ADCY2: variants seen among roughly 807,000 people sequenced by gnomAD.
ADCY2 encodes adenylate cyclase type 2.
ADCY2 carries 31 observed loss-of-function variants against 125.2 expected under a neutral mutation model. The ratio of observed to expected loss-of-function variants is 0.25; its 90% CI spans 0.19 to 0.33. The LOEUF (loss-of-function observed/expected upper bound fraction) is 0.33. ADCY2 is among the 10% of genes least tolerant of loss of function. The probability of loss-of-function intolerance (pLI) is 1.00; values close to 1 mark genes in which losing one functional copy is unlikely to be tolerated. For synonymous variants in ADCY2, 512 were observed against 548.4 expected, an observed-to-expected ratio of 0.93 and a Z score of 0.93; for missense variants, 904 against 1,418.2, an observed-to-expected ratio of 0.64 and a Z score of 5.82.
chr5:7,795,444 G>C (rs955557335), intron 20 of ADCY2: 1 of 152,218 alleles, frequency 6.6e-6, no homozygotes. Context: ...TGGATAAAAA[G>C]CACTGTGGGC....
At chr5:7,779,177 C>T (rs1743834801) in intron 18 of ADCY2, among the ~76,000 whole-genome samples, 1 of 152,126 alleles carries the variant, frequency 6.6e-6, no homozygotes, top group African/African-American at 2.4e-5. Flanking sequence ...CATCCTAGGG[C>T]TATGCAGGGT....
chr5:7,571,911 T>A (rs2126601647), intron 3 of ADCY2, among the ~76,000 whole-genome samples: 1 of 152,316 alleles, frequency 6.6e-6, no homozygotes, highest in South Asian at 2.1e-4. Flanking sequence ...GTTTTTGCAT[T>A]AGTTTGCTAA....
chr5:7,695,925 C>T (rs894264127), intron 6 of ADCY2, 62 bp downstream of exon 6: 81 of 1,094,602 alleles, frequency 7.4e-5, no homozygotes, highest in Non-Finnish European at 9.6e-5. Flanking sequence ...CGTTTTTCTT[C>T]ATCCACCTAT....
chr5:7,589,867 A>G (rs192000774), intron 3 of ADCY2, among the ~76,000 whole-genome samples: 40 of 152,302 alleles, frequency 2.6e-4, no homozygotes, highest in Admixed American at 5.9e-4. Flanking sequence ...TCCCAGATAT[A>G]TTAAAGCCAT....
At chr5:7,695,934 A>G (rs889667593) in intron 6 of ADCY2, 71 bp downstream of exon 6, 2 of 978,546 alleles carry the variant, frequency 2.0e-6, no homozygotes, top group African/African-American at 1.7e-5. Context: ...TCATCCACCT[A>G]TCAATAGTTT....
chr5:7,584,234 A>C (rs1029527131), intron 3 of ADCY2, among the ~76,000 whole-genome samples: 32 of 152,136 alleles, frequency 2.1e-4, no homozygotes, highest in African/African-American at 7.0e-4. Flanking sequence ...ACACAATCCC[A>C]AAAACAATGA....
At chr5:7,713,791 A>G (rs1271703636) in intron 11 of ADCY2, among the ~76,000 whole-genome samples, 1 of 152,192 alleles carries the variant, frequency 6.6e-6, no homozygotes, top group East Asian at 1.9e-4. Flanking sequence ...TGTAAGATGT[A>G]GTTCCAAACC....
At chr5:7,564,764 C>T (rs565118022) in intron 3 of ADCY2, among the ~76,000 whole-genome samples, 19 of 152,222 alleles carry the variant, frequency 1.2e-4, no homozygotes, top group South Asian at 6.2e-4. Context: ...TCCCGGGCAC[C>T]GCCACTACCT....
chr5:7,603,706 C>A (rs1236931730), intron 3 of ADCY2, among the ~76,000 whole-genome samples: 2 of 136,164 alleles, frequency 1.5e-5, no homozygotes, highest in Admixed American at 7.3e-5. Context: ...GAAGAAGACA[C>A]CGTCGTTAGG....
chr5:7,809,897 A>G (rs1302946509), intron 22 of ADCY2, among the ~76,000 whole-genome samples: 1 of 152,248 alleles, frequency 6.6e-6, no homozygotes, highest in Non-Finnish European at 1.5e-5. Flanking sequence ...AGAAACAGGC[A>G]TTTGTCAAGA....
At chr5:7,821,389 CT>C (rs1745294401) in intron 24 of ADCY2, among the ~76,000 whole-genome samples, 1 of 152,164 alleles carries the variant, frequency 6.6e-6, no homozygotes, top group Admixed American at 6.5e-5. Context: ...TATGCTGAAA[CT>C]ATCCCCCCAG....
intron 4 of ADCY2, among the ~76,000 whole-genome samples, chr5:7,633,461 G>A (rs1020155239): frequency 5.3e-5 from 8 of 150,990 alleles, no homozygotes; most frequent in Non-Finnish European, 7.4e-5. Flanking sequence ...AAAAAATATA[G>A]ACATTTTGCT....
chr5:7,569,999 CT>C (rs34228714), intron 3 of ADCY2, among the ~76,000 whole-genome samples: 87,526 of 151,936 alleles, frequency 0.58, 26,859 homozygotes, highest in Non-Finnish European at 0.69. Flanking sequence ...CCTTACATAT[CT>C]TTTAAACCAG....
chr5:7,553,853 T>A (rs1412333599), intron 3 of ADCY2, among the ~76,000 whole-genome samples: 1 of 152,164 alleles, frequency 6.6e-6, no homozygotes, highest in Non-Finnish European at 1.5e-5. Flanking sequence ...GTGTTCCCAG[T>A]GGGACACAGA....
At chr5:7,573,585 T>C (rs1736132859) in intron 3 of ADCY2, among the ~76,000 whole-genome samples, 1 of 148,906 alleles carries the variant, frequency 6.7e-6, no homozygotes, top group African/African-American at 2.5e-5. Context: ...GGATACAGGG[T>C]TGATTTTCTT....
chr5:7,825,158 TGCCACGACAACGCTGCTGTGC>T (rs1561048404), intron 24 of ADCY2, among the ~76,000 whole-genome samples: 77 of 144,656 alleles, frequency 5.3e-4, no homozygotes, highest in East Asian at 4.8e-3. Flanking sequence ...CGCTGCTGTG[TGCCACGACAACGCTGCTGTGC>T]GCCACGACAA....
At chr5:7,628,680 G>A (rs1738211083) in intron 4 of ADCY2, among the ~76,000 whole-genome samples, 1 of 152,124 alleles carries the variant, frequency 6.6e-6, no homozygotes, top group South Asian at 2.1e-4. Context: ...CACAAGCGTT[G>A]GAAGTCCATT....
intron 2 of ADCY2, among the ~76,000 whole-genome samples, chr5:7,435,346 C>CT (rs1740755946): frequency 6.6e-6 from 1 of 152,178 alleles, no homozygotes; most frequent in African/African-American, 2.4e-5. Flanking sequence ...TTGGCTACGG[C>CT]TTTTCTTCTC....
rs1744628714 is a variant in ADCY2 at position 7,802,517 on chromosome 5, G to C, written c.2775+153G>C. ...GCATTAAAGCCTTTTGCTTTATTTA[G>C]GTCTCTGACTAATTTAAGGTAGACA... On this transcript the variant is annotated intron_variant, in intron 21 of 24. Transcript: ENST00000338316. This position sits in a 1 kb window ranked among gnomAD's most constrained non-coding sequence, Gnocchi z 4.6. Among the ~76,000 whole-genome samples, 1 of 152,158 alleles carries C rather than the reference G, an allele frequency of 6.6e-6. No individual in the cohort carries two copies. Among genetic ancestry groups the C allele is most frequent in the Admixed American group, 6.5e-5 (1 of 15,284 alleles).
Sources: gnomAD v4.1 joint callset for allele counts (sites outside exome capture counted in the v4.1 genomes callset) on GRCh38, gnomAD v4.1.1 for gene constraint, Gnocchi (gnomAD v3.1) non-coding constraint, MANE v1.5 for transcripts, NCBI Gene and HGNC (gene_info 2026-07-23, HGNC 2026-07-21) for gene names.